UBE2E2: variants seen among roughly 807,000 people sequenced by gnomAD.
UBE2E2 encodes the protein ubiquitin-conjugating enzyme E2 E2.
Under a neutral mutation model 24.7 loss-of-function variants are expected in UBE2E2, and 6 were observed. That is an observed-to-expected ratio of 0.24 (90% CI 0.13 to 0.48). UBE2E2 has a LOEUF of 0.48. Ranked by LOEUF, UBE2E2 falls within the 20% of genes least tolerant of loss-of-function variation. The probability of loss-of-function intolerance (pLI) is 0.99; values close to 1 mark genes in which losing one functional copy is unlikely to be tolerated. For missense variants in UBE2E2, 169 were observed against 245.0 expected, an observed-to-expected ratio of 0.69 and a Z score of 2.07; for synonymous variants, 104 against 83.6, an observed-to-expected ratio of 1.24 and a Z score of -1.33.
chr3:23,203,345 G>T lies in UBE2E2; in HGVS notation c.-128G>T. On this transcript the variant is annotated 5_prime_UTR_variant, in exon 1 of 6. Coordinates refer to ENST00000396703, the MANE Select transcript of UBE2E2 (RefSeq NM_152653.4). The stretch of plus-strand genomic sequence containing the variant: ...TGGGTCCGGCTTTCGGTGACTAGAC[G>T]GTCCGCAGGGGACATCCCGTCCCTG... 1.0e-6 allele frequency: 1 copy of T among 986,080 alleles called. No individual in the cohort carries two copies. The highest frequency in any genetic ancestry group is 1.2e-6 in the Non-Finnish European group (1 of 830,322). The allele number at this position is 986,080 out of a possible 1,614,324, so 61.1% of individuals were successfully genotyped here. A position where few individuals can be genotyped will look rare whatever the true frequency, so the allele number is the denominator to read the frequency against.
chr3:23,289,198 T>C (rs1226392478), intron 3 of UBE2E2, among the ~76,000 whole-genome samples: 1 of 152,184 alleles, frequency 6.6e-6, no homozygotes, highest in Non-Finnish European at 1.5e-5. Flanking sequence ...GTACAGTAAT[T>C]GGAGAAAGGG....
At chr3:23,218,260 TA>T (rs1269004697) in intron 3 of UBE2E2, among the ~76,000 whole-genome samples, 7 of 152,182 alleles carry the variant, frequency 4.6e-5, no homozygotes, top group African/African-American at 1.7e-4. Context: ...GTGGTGAATC[TA>T]ATATGGTTCT....
chr3:23,249,652 GA>G (rs1382712743), intron 3 of UBE2E2, among the ~76,000 whole-genome samples: 2 of 130,820 alleles, frequency 1.5e-5, no homozygotes, highest in African/African-American at 5.7e-5. Context: ...TATTAACTCA[GA>G]TTTTTTTTTT....
chr3:23,449,806 G>A lies in UBE2E2; in HGVS notation c.228-49802G>A. On this transcript the variant is annotated intron_variant, in intron 3 of 5. Transcript: ENST00000396703. ...AGCAGTGTTTTTAATATCTCAACGG[G>A]GAAAAGTTTTAAAGCTGGCTAACAA... The A allele has an allele frequency of 1.1e-5, 10 of 941,994 alleles. 1 individual carries two copies. The highest frequency in any genetic ancestry group is 1.3e-5 in the Non-Finnish European group (10 of 790,476). 58.4% of individuals were successfully genotyped at this position (941,994 alleles called of 1,614,324 possible). A position where few individuals can be genotyped will look rare whatever the true frequency, so the allele number is the denominator to read the frequency against.
chr3:23,264,500 A>T (rs1286125022), intron 3 of UBE2E2, among the ~76,000 whole-genome samples: 1 of 152,172 alleles, frequency 6.6e-6, no homozygotes, highest in Non-Finnish European at 1.5e-5. Flanking sequence ...GATTTCTTCA[A>T]CATCATTCCT....
intron 3 of UBE2E2, among the ~76,000 whole-genome samples, chr3:23,485,805 A>T (rs1699356877): frequency 6.6e-6 from 1 of 152,224 alleles, no homozygotes; most frequent in African/African-American, 2.4e-5. Context: ...TGGGGGACAG[A>T]GAGAGACATT....
intron 3 of UBE2E2, among the ~76,000 whole-genome samples, chr3:23,332,924 G>C (rs1254837092): frequency 2.6e-5 from 4 of 152,146 alleles, no homozygotes; most frequent in Non-Finnish European, 5.9e-5. Context: ...AGGTGTGCAT[G>C]GCTGTTAGCC....
intron 3 of UBE2E2, among the ~76,000 whole-genome samples, chr3:23,340,804 A>T (rs1308414880): frequency 6.6e-6 from 1 of 152,108 alleles, no homozygotes; most frequent in Non-Finnish European, 1.5e-5. Context: ...TGTGAAAAGG[A>T]TGGTCATGTT....
intron 3 of UBE2E2, among the ~76,000 whole-genome samples, chr3:23,365,736 C>T (rs1318689093): frequency 6.6e-6 from 1 of 152,146 alleles, no homozygotes; most frequent in Non-Finnish European, 1.5e-5. Flanking sequence ...CTACTGATGA[C>T]ATTCTCCATA....
chr3:23,494,387 G>A (rs1430302663), intron 3 of UBE2E2, among the ~76,000 whole-genome samples: 1 of 152,036 alleles, frequency 6.6e-6, no homozygotes, highest in African/African-American at 2.4e-5. Flanking sequence ...AAATTAATAG[G>A]TAAATAGTAA....
chr3:23,277,588 C>T (rs1418683454), intron 3 of UBE2E2, among the ~76,000 whole-genome samples: 3 of 151,972 alleles, frequency 2.0e-5, no homozygotes, highest in Non-Finnish European at 4.4e-5. Context: ...TTTTAAAAAA[C>T]GTAATCATGA....
intron 5 of UBE2E2, among the ~76,000 whole-genome samples, chr3:23,560,516 A>G (rs140879842): frequency 0.29 from 44,131 of 151,380 alleles, 6,912 homozygotes; most frequent in East Asian, 0.51. Flanking sequence ...GAGTAGTGCC[A>G]CAATAAACAT....
intron 3 of UBE2E2, among the ~76,000 whole-genome samples, chr3:23,350,194 A>C (rs1424550880): frequency 6.6e-6 from 1 of 152,210 alleles, no homozygotes; most frequent in Non-Finnish European, 1.5e-5. Context: ...TAGAAGGAAA[A>C]CTAACAAACA....
At chr3:23,277,342 A>C (rs372104529) in intron 3 of UBE2E2, among the ~76,000 whole-genome samples, 1 of 152,174 alleles carries the variant, frequency 6.6e-6, no homozygotes, top group Non-Finnish European at 1.5e-5. Context: ...GATGCTAGAC[A>C]TGCTGATAAT....
At chr3:23,383,789 A>G (rs780593833) in intron 3 of UBE2E2, among the ~76,000 whole-genome samples, 6 of 151,828 alleles carry the variant, frequency 4.0e-5, no homozygotes, top group Admixed American at 2.6e-4. Context: ...AATGCTGTAG[A>G]ACTTTTAAAC....
intron 3 of UBE2E2, among the ~76,000 whole-genome samples, chr3:23,288,468 G>C (rs995204373): frequency 2.6e-5 from 4 of 152,050 alleles, no homozygotes; most frequent in Non-Finnish European, 5.9e-5. Flanking sequence ...ATTTTTCTTT[G>C]TTGACTTTCT....
chr3:23,335,365 A>C (rs1195036356), intron 3 of UBE2E2, among the ~76,000 whole-genome samples: 1 of 152,150 alleles, frequency 6.6e-6, no homozygotes, highest in South Asian at 2.1e-4. Context: ...AAATAAAGAC[A>C]AGTATTTATT....
At chr3:23,345,569 A>T (rs537381680) in intron 3 of UBE2E2, among the ~76,000 whole-genome samples, 1 of 152,210 alleles carries the variant, frequency 6.6e-6, no homozygotes, top group Non-Finnish European at 1.5e-5. Context: ...TCTTAACACA[A>T]TAGCATTGAC....
At chr3:23,544,921 G>T (rs553533623) in intron 5 of UBE2E2, among the ~76,000 whole-genome samples, 1 of 152,122 alleles carries the variant, frequency 6.6e-6, no homozygotes, top group Non-Finnish European at 1.5e-5. Context: ...AGACAAACAC[G>T]TGAACAAAGG....
Sources: allele counts gnomAD v4.1 joint callset (sites outside exome capture counted in the v4.1 genomes callset), GRCh38; gene constraint gnomAD v4.1.1; transcripts MANE v1.5; gene names NCBI Gene and HGNC (gene_info 2026-07-23, HGNC 2026-07-21).